Variants in SEPSECS observed in about 807,000 individuals in gnomAD.
SEPSECS encodes Sep (O-phosphoserine) tRNA:Sec (selenocysteine) tRNA synthase.
SEPSECS carries 42 observed loss-of-function variants against 52.1 expected under a neutral mutation model. The ratio of observed to expected loss-of-function variants is 0.81; its 90% confidence interval spans 0.63 to 1.04. The LOEUF is 1.04. Among genes scored for constraint, SEPSECS ranks in the 50% least tolerant of loss-of-function variants. SEPSECS has a pLI of 0.00. For synonymous variants in SEPSECS, 216 were observed against 211.4 expected, an observed-to-expected ratio of 1.02 and a Z score of -0.19; for missense variants, 590 against 610.6, an observed-to-expected ratio of 0.97 and a Z score of 0.36.
rs921579689 is a variant in SEPSECS, at chr4:25,122,390, A to C, written c.*1541T>G. ...TTTCTCATACATAGGTTACAATTCC[A>C]AATCAATAAGAAAAATGCAGCCCAG... On this transcript the variant is annotated 3_prime_UTR_variant, in exon 11 of 11. Coordinates refer to ENST00000382103, the MANE Select transcript of SEPSECS (RefSeq NM_016955.4). The C allele has an allele frequency of 2.6e-5, 4 of 152,194 alleles. No individual in the cohort carries two copies. The highest frequency in any genetic ancestry group is 9.6e-5 in the African/African-American group (4 of 41,454). The allele number at this position is 152,194 out of a possible 1,614,324, so 9.4% of individuals were successfully genotyped here.
At chr4:25,140,505 T>C (rs893884736) in intron 8 of SEPSECS, among the ~76,000 whole-genome samples, 1 of 152,200 alleles carries the variant, frequency 6.6e-6, no homozygotes, top group Non-Finnish European at 1.5e-5. Context: ...TTTCGGTCCA[T>C]ATTCCACAAT....
chr4:25,133,233 G>A (rs1043586100), intron 8 of SEPSECS, among the ~76,000 whole-genome samples: 7 of 152,078 alleles, frequency 4.6e-5, no homozygotes, highest in Admixed American at 3.9e-4. Flanking sequence ...TCCTGTTCCT[G>A]TTTATTCTAC....
At chr4:25,148,617 A>G (rs1303551854) in intron 6 of SEPSECS, among the ~76,000 whole-genome samples, 1 of 152,202 alleles carries the variant, frequency 6.6e-6, no homozygotes, top group Admixed American at 6.5e-5. Flanking sequence ...TTTTAAAGAA[A>G]TGTCCATTTT....
chr4:25,144,528 G>C (rs540799087), intron 8 of SEPSECS, among the ~76,000 whole-genome samples: 1 of 151,462 alleles, frequency 6.6e-6, no homozygotes, highest in East Asian at 1.9e-4. Flanking sequence ...CCTAATGCAG[G>C]AGTTTCTAAA....
At chr4:25,131,733 C>G (rs1728615190) in intron 8 of SEPSECS, among the ~76,000 whole-genome samples, 1 of 152,164 alleles carries the variant, frequency 6.6e-6, no homozygotes, top group Non-Finnish European at 1.5e-5. Context: ...CTTAGTTTGT[C>G]CCCCAGTTCT....
chr4:25,142,243 C>A (rs1041977356), intron 8 of SEPSECS, among the ~76,000 whole-genome samples: 4 of 152,136 alleles, frequency 2.6e-5, no homozygotes, highest in African/African-American at 9.7e-5. Flanking sequence ...CGCCACTGCA[C>A]TGCAGCCTGG....
intron 1 of SEPSECS, chr4:25,159,674 A>AG (rs1712931036): frequency 2.5e-6 from 1 of 394,136 alleles, no homozygotes; most frequent in African/African-American, 2.2e-5. Flanking sequence ...CGGGAGGCTG[A>AG]GGCAGGCGAA....
At chr4:25,133,758 T>C (rs1340012848) in intron 8 of SEPSECS, among the ~76,000 whole-genome samples, 1 of 151,940 alleles carries the variant, frequency 6.6e-6, no homozygotes, top group African/African-American at 2.4e-5. Context: ...ACTATATCCA[T>C]ATAGTTGAAT....
In SEPSECS at chr4:25,158,946, A is replaced by C; in HGVS notation, c.269+7T>G. ...ATGTATCTCCTGTACTACTTAAAAAAAGATACCTGTAATGACGACGAGCAA... is the reference window on the plus strand; with the variant it reads ...ATGTATCTCCTGTACTACTTAAAAACAGATACCTGTAATGACGACGAGCAA... On this transcript the variant is annotated splice_region_variant and intron_variant, in intron 2 of 10. Coordinates refer to ENST00000382103, the MANE Select transcript of SEPSECS (RefSeq NM_016955.4). 6.2e-7 allele frequency: 1 copy of C among 1,613,402 alleles called. No homozygotes were observed. The highest frequency in any genetic ancestry group is 1.1e-5 in the South Asian group (1 of 91,066).
chr4:25,135,282 G>C (rs150919341), intron 8 of SEPSECS, among the ~76,000 whole-genome samples: 1 of 151,500 alleles, frequency 6.6e-6, no homozygotes, highest in Non-Finnish European at 1.5e-5. Flanking sequence ...CCAGGAGTGG[G>C]TTTTTTTAAA....
intron 1 of SEPSECS, 35 bp from the exon 2 acceptor site, chr4:25,159,142 AT>A: frequency 3.4e-6 from 5 of 1,484,224 alleles, no homozygotes; most frequent in Middle Eastern, 1.8e-4. Flanking sequence ...ATTATATTTA[AT>A]AAAACTACCG....
chr4:25,157,017 A>G (rs776134784), intron 2 of SEPSECS, 43 bp from the exon 3 acceptor site: 38 of 984,600 alleles, frequency 3.9e-5, no homozygotes, highest in Non-Finnish European at 3.3e-5. Context: ...TACATTCAGC[A>G]TTCCGAGTAA....
intron 8 of SEPSECS, among the ~76,000 whole-genome samples, chr4:25,137,978 C>T (rs188252660): frequency 6.6e-6 from 1 of 152,288 alleles, no homozygotes; most frequent in Non-Finnish European, 1.5e-5. Context: ...AAACCAAATA[C>T]CGCATCGTCT....
Position 25,123,901 on chromosome 4 carries a change from T to C in SEPSECS, c.*30A>G. ...TTGTACTACAGCCTTATCATTTCTT[T>C]CAAATGATCAAGAAGAAACCCTTCG... On this transcript the variant is annotated 3_prime_UTR_variant, in exon 11 of 11. Transcript: ENST00000382103. The C allele has an allele frequency of 6.3e-7, 1 of 1,577,520 alleles. No individual in the cohort carries two copies. The highest frequency in any genetic ancestry group is 8.7e-7 in the Non-Finnish European group (1 of 1,147,294).
intron 5 of SEPSECS, among the ~76,000 whole-genome samples, chr4:25,152,488 T>A (rs1167078759): frequency 6.6e-6 from 1 of 151,962 alleles, no homozygotes; most frequent in Non-Finnish European, 1.5e-5. Flanking sequence ...TTAAGAAATC[T>A]CACATTAAAC....
chr4:25,142,280 A>G (rs1410598498), intron 8 of SEPSECS, among the ~76,000 whole-genome samples: 1 of 152,186 alleles, frequency 6.6e-6, no homozygotes, highest in African/African-American at 2.4e-5. Context: ...CCATCTCAAA[A>G]AAAAAAAGTC....
intron 4 of SEPSECS, 42 bp downstream of exon 4, chr4:25,155,995 T>A (rs1712602024): frequency 1.3e-6 from 2 of 1,542,106 alleles, no homozygotes; most frequent in Middle Eastern, 1.7e-4. Context: ...CTGAATTTCA[T>A]AATTATGATG....
chr4:25,144,826 G>T lies in SEPSECS; in HGVS notation c.974C>A (p.Thr325Asn). The part of the protein sequence containing the change: ...SASPSLDVLI[T>N]LLSLGSNGYK... The stretch of plus-strand genomic sequence containing the variant: ...GCCATTTGATCCAAGTGACAATAAA[G>T]TAATAAGGACATCTAAAGAAGGTGA... Residue 325 changes from threonine to asparagine, a missense_variant, in exon 8 of 11, where the codon ACT (threonine) becomes AAT (asparagine). Thr to Asn is a moderately conservative substitution (Grantham distance 65, BLOSUM62 0). Transcript: ENST00000382103. 1.2e-6 allele frequency: 2 copies of T among 1,613,368 alleles called. No individual in the cohort carries two copies. Among genetic ancestry groups the T allele is most frequent in the Non-Finnish European group, 1.7e-6 (2 of 1,179,524 alleles).
At chr4:25,146,845 G>A (rs750241048) in intron 6 of SEPSECS, among the ~76,000 whole-genome samples, 12 of 152,030 alleles carry the variant, frequency 7.9e-5, no homozygotes, top group Non-Finnish European at 1.5e-4. Context: ...TACCACCCTG[G>A]CCAAAGCCAC....
Sources: gnomAD v4.1 joint callset for allele counts (sites outside exome capture counted in the v4.1 genomes callset) on GRCh38, gnomAD v4.1.1 for gene constraint, MANE v1.5 for transcripts, NCBI Gene and HGNC (gene_info 2026-07-23, HGNC 2026-07-21) for gene names.